The following SEZ6L variants were observed in gnomAD, a reference collection of about 807,000 sequenced individuals.
SEZ6L encodes seizure related 6 homolog like, also known as seizure 6-like protein.
A neutral mutation model predicts 106.2 loss-of-function variants in SEZ6L; 37 were observed. The ratio of observed to expected loss-of-function variants is 0.35; its 90% CI spans 0.27 to 0.46. SEZ6L has a LOEUF of 0.46. SEZ6L is among the 20% of genes least tolerant of loss of function. The pLI is 1.00. For missense variants in SEZ6L, 1,172 were observed against 1,332.8 expected (o/e 0.88, Z 1.88); for synonymous variants, 541 against 570.4 (o/e 0.95, Z 0.73).
intron 9 of SEZ6L, among the ~76,000 whole-genome samples, chr22:26,331,374 G>A (rs1319306079): frequency 3.3e-5 from 5 of 152,208 alleles, no homozygotes; most frequent in African/African-American, 9.6e-5. Flanking sequence ...AAATTCAAAA[G>A]TACAAAAAGG....
At chr22:26,276,595 C>T (rs765211409) in intron 1 of SEZ6L, among the ~76,000 whole-genome samples, 2 of 152,216 alleles carry the variant, frequency 1.3e-5, no homozygotes, top group South Asian at 2.1e-4. Flanking sequence ...GAATGCAGAT[C>T]GATTTCCCAC....
intron 1 of SEZ6L, among the ~76,000 whole-genome samples, chr22:26,217,817 C>A (rs1235683593): frequency 6.6e-6 from 1 of 152,254 alleles, no homozygotes; most frequent in Non-Finnish European, 1.5e-5. Context: ...ACGGCATTTT[C>A]TAAAATTCCC....
chr22:26,260,332 T>C (rs1435115500), intron 1 of SEZ6L, among the ~76,000 whole-genome samples: 1 of 152,186 alleles, frequency 6.6e-6, no homozygotes, highest in East Asian at 1.9e-4. Context: ...GGTATCATTC[T>C]TATGCCTTTT....
At position 26,259,489 on chromosome 22, in the gene SEZ6L, C is replaced by G. The variant is rs374033716; in HGVS notation, c.95-32917C>G. 1.1e-4 allele frequency among the ~76,000 whole-genome samples: 16 copies of G among 152,242 alleles called. 1 individual carries two copies. The South Asian group carries it at 3.3e-3, about 32-fold the overall frequency. On this transcript the variant is annotated intron_variant, in intron 1 of 16. Coordinates refer to ENST00000248933, the MANE Select transcript of SEZ6L (RefSeq NM_021115.5). ...AGCCTACCAAGAAAAAGCAAAAGCACAAATTCAACATGATCGGTAAGAGGC... is the reference window on the plus strand; with the variant it reads ...AGCCTACCAAGAAAAAGCAAAAGCAGAAATTCAACATGATCGGTAAGAGGC...
At chr22:26,286,306 C>T (rs914752895) in intron 1 of SEZ6L, among the ~76,000 whole-genome samples, 3 of 152,204 alleles carry the variant, frequency 2.0e-5, no homozygotes, top group Non-Finnish European at 4.4e-5. Flanking sequence ...ATTCCTAGAC[C>T]TCTCAATCAC....
At position 26,324,264 on chromosome 22, in the gene SEZ6L, A is replaced by G. The variant is rs544385302; in HGVS notation, c.2015+10362A>G. 1.2e-4 allele frequency among the ~76,000 whole-genome samples: 18 copies of G among 152,250 alleles called. 1 individual carries two copies. The highest frequency in any genetic ancestry group is 4.1e-4 in the African/African-American group (17 of 41,530). ...CCATCTCTGCAGGGAAAAAGTCTCAATCAGGCTCCAGCGTGCCTTCCTTTG... is the reference window on the plus strand; with the variant it reads ...CCATCTCTGCAGGGAAAAAGTCTCAGTCAGGCTCCAGCGTGCCTTCCTTTG... On this transcript the variant is annotated intron_variant, in intron 9 of 16. Coordinates refer to ENST00000248933, the MANE Select transcript of SEZ6L (RefSeq NM_021115.5).
Position 26,222,644 on chromosome 22 carries a change from A to G in SEZ6L, c.94+52881A>G, listed in dbSNP as rs377719552. Among the ~76,000 whole-genome samples the G allele has an allele frequency of 9.8e-4, 150 of 152,330 alleles. 5 individuals are homozygous for G. In the South Asian group the frequency reaches 0.03, roughly 30 times the overall value. On this transcript the variant is annotated intron_variant, in intron 1 of 16. Coordinates refer to ENST00000248933, the MANE Select transcript of SEZ6L (RefSeq NM_021115.5). ...TGAACAGCAAAATCCTCTGGTGTATAAGACAAATCTCAATATCATAGGGAA... is the reference window on the plus strand; with the variant it reads ...TGAACAGCAAAATCCTCTGGTGTATGAGACAAATCTCAATATCATAGGGAA...
At chr22:26,278,573 A>C (rs1019431212) in intron 1 of SEZ6L, among the ~76,000 whole-genome samples, 1 of 152,184 alleles carries the variant, frequency 6.6e-6, no homozygotes, top group African/African-American at 2.4e-5. Flanking sequence ...TAGTTCACTT[A>C]GGATATGCCT....
At chr22:26,214,470 A>G (rs887042015) in intron 1 of SEZ6L, among the ~76,000 whole-genome samples, 1 of 152,256 alleles carries the variant, frequency 6.6e-6, no homozygotes, top group Non-Finnish European at 1.5e-5. Flanking sequence ...ATTAAAGGTT[A>G]TGGATTCCCT....
At chr22:26,350,696 G>A (rs1295923231) in intron 11 of SEZ6L, among the ~76,000 whole-genome samples, 4 of 140,398 alleles carry the variant, frequency 2.8e-5, no homozygotes, top group Admixed American at 7.6e-5. Flanking sequence ...TCGCTCTGTC[G>A]CCCAGGCTGG....
At chr22:26,246,615 A>G (rs1033909986) in intron 1 of SEZ6L, among the ~76,000 whole-genome samples, 14 of 152,330 alleles carry the variant, frequency 9.2e-5, no homozygotes, top group African/African-American at 3.1e-4. Flanking sequence ...CAAAGTTTCA[A>G]ACCCACTCGT....
chr22:26,231,883 A>G (rs2078808422), intron 1 of SEZ6L, among the ~76,000 whole-genome samples: 1 of 152,172 alleles, frequency 6.6e-6, no homozygotes, highest in Non-Finnish European at 1.5e-5. Context: ...GGCCAACTGC[A>G]AGTGCCATGG....
chr22:26,323,939 C>T lies in SEZ6L; in HGVS notation c.2015+10037C>T, dbSNP rs2145949740. 2.0e-5 allele frequency among the ~76,000 whole-genome samples: 3 copies of T among 152,198 alleles called. No individual in the cohort carries two copies. The South Asian group carries it at 6.2e-4, about 32-fold the overall frequency. ...TATCTACATCACGTCAGTGTGACTA[C>T]TCCTTTGTACAGATGAAGAAACTGA... On this transcript the variant is annotated intron_variant, in intron 9 of 16. Transcript: ENST00000248933.
chr22:26,246,116 A>G (rs767894645), intron 1 of SEZ6L, among the ~76,000 whole-genome samples: 2 of 152,214 alleles, frequency 1.3e-5, no homozygotes, highest in Non-Finnish European at 2.9e-5. Context: ...TAGTCCTTAG[A>G]CATTCACTTG....
At chr22:26,361,028 A>G (rs1184941583) in intron 12 of SEZ6L, among the ~76,000 whole-genome samples, 2 of 152,236 alleles carry the variant, frequency 1.3e-5, no homozygotes, top group South Asian at 4.1e-4. Context: ...GGGGATACCC[A>G]CGCGGCTTTA....
chr22:26,192,256 A>C (rs1940269231), intron 1 of SEZ6L, among the ~76,000 whole-genome samples: 1 of 152,180 alleles, frequency 6.6e-6, no homozygotes, highest in Admixed American at 6.6e-5. Context: ...CAACCTGTCC[A>C]TTCATCAACC....
intron 9 of SEZ6L, among the ~76,000 whole-genome samples, chr22:26,333,743 G>A (rs547484874): frequency 6.6e-6 from 1 of 152,298 alleles, no homozygotes; most frequent in South Asian, 2.1e-4. Context: ...CCCAAGTAAT[G>A]ACTGAGCTCC....
chr22:26,194,663 G>A (rs1221439356), intron 1 of SEZ6L, among the ~76,000 whole-genome samples: 1 of 152,166 alleles, frequency 6.6e-6, no homozygotes, highest in Non-Finnish European at 1.5e-5. Flanking sequence ...GTAGGAAATA[G>A]AACACAATTG....
chr22:26,247,400 T>C (rs1260921111), intron 1 of SEZ6L, among the ~76,000 whole-genome samples: 1 of 152,140 alleles, frequency 6.6e-6, no homozygotes, highest in Non-Finnish European at 1.5e-5. Context: ...TCTTTGCAGA[T>C]GTAATTCGTC....
Sources: gnomAD v4.1 joint callset for allele counts (sites outside exome capture counted in the v4.1 genomes callset) on GRCh38, gnomAD v4.1.1 for gene constraint, MANE v1.5 for transcripts, NCBI Gene and HGNC (gene_info 2026-07-23, HGNC 2026-07-21) for gene names.